The following PTK2 variants were observed in gnomAD, a reference collection of about 807,000 sequenced individuals.
PTK2 encodes the protein focal adhesion kinase 1.
PTK2 carries 45 observed loss-of-function variants against 150.1 expected under a neutral mutation model. The ratio of observed to expected loss-of-function variants is 0.30; its 90% CI spans 0.24 to 0.38. The LOEUF is 0.38. PTK2 is among the 10% of genes least tolerant of loss of function. The pLI is 1.00. For synonymous variants in PTK2, 432 were observed against 449.2 expected (o/e 0.96, Z 0.48); for missense variants, 919 against 1,307.3 (o/e 0.70, Z 4.58).
chr8:140,823,020 C>T (rs1194454391), intron 8 of PTK2, among the ~76,000 whole-genome samples: 1 of 152,138 alleles, frequency 6.6e-6, no homozygotes, highest in Admixed American at 6.5e-5. Context: ...TAAGAAATGT[C>T]TCCCATCTAC....
chr8:140,868,529 A>G (rs891760240), intron 4 of PTK2, among the ~76,000 whole-genome samples: 4 of 152,194 alleles, frequency 2.6e-5, no homozygotes, highest in Admixed American at 1.3e-4. Flanking sequence ...GGGAAACAGT[A>G]ACCTTGTAGT....
rs1247173286 is a variant in PTK2, at chr8:140,761,221, G to A, written c.1276C>T (p.Arg426Ter). 2 of 1,612,930 alleles carry A rather than the reference G, an allele frequency of 1.2e-6. No homozygotes were observed. The highest frequency in any genetic ancestry group is 1.3e-5 in the African/African-American group (1 of 74,974). ...CCAAATTGGCCTTCTCCAATACATC[G>A]TCCAAGTTCTATTCTTTCTCTTTGA... The change falls in exon 16 of 32, where the codon CGA (arginine) becomes TGA (stop). Residue 426 changes from arginine to a stop codon, truncating the protein, a stop_gained. Transcript: ENST00000522684. LOFTEE classifies it high-confidence loss of function.
rs570572000 is a variant in PTK2 at position 140,658,565 on chromosome 8, T to C, written c.*901A>G. 1.3e-4 allele frequency: 25 copies of C among 196,936 alleles called. No individual in the cohort carries two copies. In the South Asian group the frequency reaches 4.4e-3, roughly 35 times the overall value. 12.2% of individuals were successfully genotyped at this position (196,936 alleles called of 1,614,324 possible). A position where few individuals can be genotyped will look rare whatever the true frequency, so the allele number is the denominator to read the frequency against. On this transcript the variant is annotated 3_prime_UTR_variant, in exon 32 of 32. Coordinates refer to ENST00000522684, the Ensembl canonical transcript of PTK2. ...ACATCAAAAGAAAACCAAATTCCTG[T>C]TTTGCTTCATTCTCTCCTGGGAAGA...
At chr8:140,776,848 T>C (rs1236056688) in intron 14 of PTK2, among the ~76,000 whole-genome samples, 1 of 152,172 alleles carries the variant, frequency 6.6e-6, no homozygotes, top group African/African-American at 2.4e-5. Flanking sequence ...AGGGTGTGAC[T>C]GTGGCTGACA....
intron 7 of PTK2, among the ~76,000 whole-genome samples, chr8:140,830,864 G>T (rs1164325677): frequency 6.6e-6 from 1 of 151,828 alleles, no homozygotes; most frequent in African/African-American, 2.4e-5. Context: ...GATATTTCTT[G>T]AAGGTTATAA....
chr8:140,924,657 G>A (rs1335422028), intron 2 of PTK2, among the ~76,000 whole-genome samples: 2 of 152,072 alleles, frequency 1.3e-5, no homozygotes, highest in African/African-American at 4.8e-5. Context: ...CAGTATGAAG[G>A]CTTAGTACAT....
At chr8:140,927,975 A>AAATATATATATATAT in intron 1 of PTK2, among the ~76,000 whole-genome samples, 12 of 48,196 alleles carry the variant, frequency 2.5e-4, no homozygotes, top group African/African-American at 1.2e-3. Context: ...AAAAAAAAAA[A>AAATATATATATATAT]ATATATATAT....
intron 15 of PTK2, among the ~76,000 whole-genome samples, chr8:140,763,191 A>G (rs1013676113): frequency 3.9e-5 from 6 of 152,192 alleles, no homozygotes; most frequent in African/African-American, 1.4e-4. Flanking sequence ...GAAGCTCCTG[A>G]AAGGGGACAT....
At chr8:140,727,257 T>A (rs908988759) in intron 22 of PTK2, among the ~76,000 whole-genome samples, 1 of 152,190 alleles carries the variant, frequency 6.6e-6, no homozygotes, top group African/African-American at 2.4e-5. Context: ...TATTGTTAGA[T>A]ATGAAGCAGC....
intron 4 of PTK2, among the ~76,000 whole-genome samples, chr8:140,865,582 G>A (rs998245590): frequency 2.6e-5 from 4 of 152,048 alleles, no homozygotes; most frequent in African/African-American, 4.8e-5. Flanking sequence ...GTACACATAC[G>A]CAAGTTCTGC....
At chr8:140,913,702 G>T (rs2154608056) in intron 2 of PTK2, among the ~76,000 whole-genome samples, 1 of 152,140 alleles carries the variant, frequency 6.6e-6, no homozygotes, top group African/African-American at 2.4e-5. Flanking sequence ...AATTAAACAA[G>T]ACTTAAATAA....
At chr8:140,833,727 T>C (rs1186538309) in intron 7 of PTK2, among the ~76,000 whole-genome samples, 1 of 152,228 alleles carries the variant, frequency 6.6e-6, no homozygotes, top group Non-Finnish European at 1.5e-5. Flanking sequence ...TTACTAACCT[T>C]TATCATACAA....
intron 11 of PTK2, 89 bp downstream of exon 11, chr8:140,803,454 A>C: frequency 9.5e-7 from 1 of 1,048,360 alleles, no homozygotes; most frequent in South Asian, 1.3e-5. Flanking sequence ...GATCCATAAA[A>C]ACTTCATCCT....
intron 2 of PTK2, 48 bp from the exon 3 acceptor site, chr8:140,890,817 C>T: frequency 6.8e-7 from 1 of 1,474,438 alleles, no homozygotes; most frequent in Middle Eastern, 1.7e-4. Context: ...TTGAAATCTA[C>T]CAATTACAAT....
intron 10 of PTK2, among the ~76,000 whole-genome samples, chr8:140,809,056 T>C (rs542227760): frequency 6.1e-4 from 93 of 152,072 alleles, no homozygotes; most frequent in African/African-American, 2.1e-3. Flanking sequence ...CAAATGAGTA[T>C]ACAGAAATAC....
chr8:140,777,573 G>C (rs149626122), intron 14 of PTK2, among the ~76,000 whole-genome samples: 1 of 152,170 alleles, frequency 6.6e-6, no homozygotes. Context: ...GCTTTTAGTC[G>C]CTTAGATCTA....
chr8:140,716,502 T>C lies in PTK2; in HGVS notation c.2142+1096A>G, dbSNP rs995228440. ...TTTCTTCTCTGGGCCTCGGTCCTTC[T>C]CTCTGTAGAGGGGGCTGGTCTGAGG... On this transcript the variant is annotated intron_variant, in intron 23 of 31. Transcript: ENST00000522684. Among the ~76,000 whole-genome samples the C allele has an allele frequency of 2.0e-5, 3 of 152,202 alleles. No homozygotes were observed. In the South Asian group the frequency reaches 6.2e-4, roughly 32 times the overall value.
At chr8:140,949,768 A>G (rs932001198) in intron 1 of PTK2, among the ~76,000 whole-genome samples, 1 of 152,140 alleles carries the variant, frequency 6.6e-6, no homozygotes, top group Non-Finnish European at 1.5e-5. Flanking sequence ...GGGAGAAGGC[A>G]GAAAGGCTCC....
At chr8:140,977,780 A>T (rs1247767421) in intron 1 of PTK2, among the ~76,000 whole-genome samples, 2 of 152,146 alleles carry the variant, frequency 1.3e-5, no homozygotes. Flanking sequence ...GAGATTCCTT[A>T]AAAAAATCAA....
Sources: allele counts gnomAD v4.1 joint callset (sites outside exome capture counted in the v4.1 genomes callset), GRCh38; gene constraint gnomAD v4.1.1; transcripts MANE v1.5; gene names NCBI Gene and HGNC (gene_info 2026-07-23, HGNC 2026-07-21).